Variants in TGDS observed in about 807,000 individuals in gnomAD.
TGDS encodes TDP-glucose 4,6-dehydratase.
A neutral mutation model predicts 52.3 loss-of-function variants in TGDS; 47 were observed. The ratio of observed to expected loss-of-function variants is 0.90; its 90% confidence interval spans 0.71 to 1.15. The LOEUF is 1.15. Ranked by LOEUF, TGDS falls within the 50% of genes most tolerant of loss-of-function variation. The pLI is 0.00. For synonymous variants in TGDS, 115 were observed against 136.9 expected, an observed-to-expected ratio of 0.84 and a Z score of 1.12; for missense variants, 375 against 418.4, an observed-to-expected ratio of 0.90 and a Z score of 0.90.
rs1430841344 is a variant in TGDS, at chr13:94,579,908, G to A, written c.601C>T (p.Gln201Ter). 6.3e-7 allele frequency: 1 copy of A among 1,596,922 alleles called. No homozygotes were observed. The highest frequency in any genetic ancestry group is 8.6e-7 in the Non-Finnish European group (1 of 1,167,930). Residue 201 changes from glutamine (Q) to a stop codon, truncating the protein, a stop_gained, in exon 7 of 12, where the codon CAA becomes TAA. Transcript: ENST00000261296. LOFTEE classifies it high-confidence loss of function. ...TRSSNVYGPH[Q>*]YPEKVIPKFI... ...GTAAAATTTACCTTTTCTGGATATT[G>A]ATGTGGTCCATAAACATTACTGCTT...
intron 5 of TGDS, 40 bp downstream of exon 5, chr13:94,583,047 TCATGGTA>T: frequency 6.3e-7 from 1 of 1,590,772 alleles, no homozygotes; most frequent in African/African-American, 1.4e-5. Context: ...TAAAACTGTA[TCATGGTA>T]CATGGTTAAG....
At chr13:94,586,179 C>T (rs1441711962) in intron 4 of TGDS, among the ~76,000 whole-genome samples, 2 of 152,026 alleles carry the variant, frequency 1.3e-5, no homozygotes, top group African/African-American at 4.8e-5. Context: ...AATCCAAATA[C>T]AGCAACAAAC....
chr13:94,575,946 GATC>G (rs1207193442), intron 11 of TGDS, among the ~76,000 whole-genome samples: 8 of 151,758 alleles, frequency 5.3e-5, no homozygotes, highest in Admixed American at 1.3e-4. Context: ...GCCACTGATG[GATC>G]ATTATTTTAC....
At position 94,584,609 on chromosome 13, in the gene TGDS, C is replaced by T. The variant is rs565233811; in HGVS notation, c.314-1373G>A. ...ACAATGTCCAATCAGTTAATAAGCA[C>T]TCCCAGTGCCCAGACTGTGGCCTCT... On this transcript the variant is annotated intron_variant, in intron 4 of 11. Transcript: ENST00000261296. Among the ~76,000 whole-genome samples the T allele has an allele frequency of 7.2e-5, 11 of 152,314 alleles. No individual in the cohort carries two copies. The East Asian group carries it at 2.1e-3, about 29-fold the overall frequency.
intron 2 of TGDS, 149 bp from the exon 3 acceptor site, chr13:94,592,458 C>T (rs1889235855): frequency 1.6e-6 from 1 of 620,000 alleles, no homozygotes; most frequent in African/African-American, 1.9e-5. Flanking sequence ...TGTCTTTACA[C>T]TACTTTTTTT....
At chr13:94,588,245 G>A (rs569684834) in intron 4 of TGDS, among the ~76,000 whole-genome samples, 1 of 151,266 alleles carries the variant, frequency 6.6e-6, no homozygotes, top group East Asian at 2.0e-4. Context: ...CCAACATGGT[G>A]AAACCCCATC....
intron 11 of TGDS, among the ~76,000 whole-genome samples, chr13:94,575,897 AC>A (rs1187154502): frequency 6.6e-6 from 1 of 152,156 alleles, no homozygotes; most frequent in African/African-American, 2.4e-5. Context: ...GCCTCAAGAC[AC>A]AAAAAAGACT....
intron 7 of TGDS, 52 bp from the exon 8 acceptor site, chr13:94,578,825 G>C: frequency 8.9e-7 from 1 of 1,123,592 alleles, no homozygotes; most frequent in Admixed American, 2.2e-5. Context: ...TCATTAGTAT[G>C]AATCTGAACT....
Position 94,578,790 on chromosome 13 carries a change from AT to A in TGDS, c.616-18del. The A allele has an allele frequency of 7.0e-7, 1 of 1,438,128 alleles. No individual in the cohort carries two copies. The highest frequency in any genetic ancestry group is 9.7e-7 in the Non-Finnish European group (1 of 1,028,522). 89.1% of individuals were successfully genotyped at this position (1,438,128 alleles called of 1,614,324 possible). A position where few individuals can be genotyped will look rare whatever the true frequency, so the allele number is the denominator to read the frequency against. On this transcript the variant is annotated intron_variant, in intron 7 of 11. Transcript: ENST00000261296. ...TGGAATAACCTAAAAGAATATTTAAATATCATTTCAGACTGGATATTTACTC... is the reference window on the plus strand; with the variant it reads ...TGGAATAACCTAAAAGAATATTTAAAATCATTTCAGACTGGATATTTACTC...
chr13:94,577,951 G>A, intron 9 of TGDS, 54 bp downstream of exon 9: 5 of 1,545,756 alleles, frequency 3.2e-6, no homozygotes, highest in Non-Finnish European at 4.4e-6. Context: ...TTTGACTAAT[G>A]GTCACTGCCA....
chr13:94,585,796 T>A (rs1438977133), intron 4 of TGDS, among the ~76,000 whole-genome samples: 4 of 77,330 alleles, frequency 5.2e-5, no homozygotes, highest in Admixed American at 1.5e-4. Context: ...CAAGACTCTG[T>A]CTCAAAAAAA....
chr13:94,576,667 C>A (rs1215349669), intron 10 of TGDS, among the ~76,000 whole-genome samples: 2 of 151,806 alleles, frequency 1.3e-5, no homozygotes, highest in Non-Finnish European at 2.9e-5. Flanking sequence ...AAGTGAAGTA[C>A]CTGACACATC....
intron 4 of TGDS, among the ~76,000 whole-genome samples, chr13:94,585,992 G>C (rs1467190397): frequency 6.6e-6 from 1 of 151,846 alleles, no homozygotes; most frequent in East Asian, 1.9e-4. Flanking sequence ...CTAGTAGAGG[G>C]AGAAAAAGAG....
chr13:94,589,860 A>C (rs138927344), intron 4 of TGDS, among the ~76,000 whole-genome samples: 9 of 152,296 alleles, frequency 5.9e-5, no homozygotes, highest in African/African-American at 2.2e-4. Context: ...ACTTTGGAAC[A>C]TGTTTTGACA....
At position 94,578,107 on chromosome 13, in the gene TGDS, T is replaced by C; in HGVS notation, c.723A>G (p.Ala241=). The change falls in exon 9 of 12, where the codon GCA becomes GCG. Residue 241 remains alanine (A), a synonymous_variant. Coordinates refer to ENST00000261296, the MANE Select transcript of TGDS (RefSeq NM_014305.4). The part of the protein sequence containing the change: ...NFLYATDVVE[A]FLTVLKKGKP... ...TCCCTTTTTTGAGGACAGTGAGAAA[T>C]GCTTCTACAACATCAGTAGCATAAA... is the stretch of plus-strand genomic sequence containing the variant. 1 of 1,613,874 alleles carries C rather than the reference T, an allele frequency of 6.2e-7. No individual in the cohort carries two copies. Among genetic ancestry groups the C allele is most frequent in the South Asian group, 1.1e-5 (1 of 91,076 alleles).
At chr13:94,586,500 T>C (rs1888987917) in intron 4 of TGDS, among the ~76,000 whole-genome samples, 2 of 152,178 alleles carry the variant, frequency 1.3e-5, no homozygotes, top group South Asian at 2.1e-4. Context: ...CTTAACCTAA[T>C]GGATGTGTAA....
chr13:94,583,281 T>C (rs998927126), intron 4 of TGDS, 45 bp from the exon 5 acceptor site: 2 of 1,587,002 alleles, frequency 1.3e-6, no homozygotes, highest in African/African-American at 2.7e-5. Context: ...ACCCAACGGA[T>C]AAAACAAATG....
chr13:94,593,807 T>A (rs780484260), intron 2 of TGDS, 34 bp downstream of exon 2: 81 of 1,331,676 alleles, frequency 6.1e-5, no homozygotes, highest in Non-Finnish European at 8.3e-5. Flanking sequence ...GAAATGTAAT[T>A]TCAGTGCATG....
At position 94,577,852 on chromosome 13, in the gene TGDS, CTTAAT is replaced by C. The variant is rs143870920; in HGVS notation, c.825+148_825+152del. 0.035 allele frequency among the ~76,000 whole-genome samples: 5,354 copies of C among 152,198 alleles called. 303 individuals are homozygous for C. Among genetic ancestry groups the C allele is most frequent in the African/African-American group, 0.12 (5,022 of 41,514 alleles). On this transcript the variant is annotated intron_variant, in intron 9 of 11. Transcript: ENST00000261296. ...AGCTGTTACTAAATAGGTGATCCAA[CTTAAT>C]TTAAGACACATATGGTACACAAAAT...
Sources: allele counts gnomAD v4.1 joint callset (sites outside exome capture counted in the v4.1 genomes callset), GRCh38; gene constraint gnomAD v4.1.1; transcripts MANE v1.5; gene names NCBI Gene and HGNC (gene_info 2026-07-23, HGNC 2026-07-21).